The following ZNF705A variants were observed in gnomAD, a reference collection of about 807,000 sequenced individuals.
ZNF705A encodes zinc finger protein 705A.
A neutral mutation model predicts 16.6 loss-of-function variants in ZNF705A; 8 were observed. The observed-to-expected ratio is 0.48, with a 90% CI of 0.28 to 0.87. The LOEUF is 0.87. ZNF705A is among the 40% of genes least tolerant of loss of function. ZNF705A has a pLI of 0.10. For synonymous variants in ZNF705A, 73 were observed against 117.3 expected (o/e 0.62, Z 2.44); for missense variants, 233 against 359.9 (o/e 0.65, Z 2.85).
chr12:8,164,573 A>G (rs764895931), intron 1 of ZNF705A, among the ~76,000 whole-genome samples: 4 of 152,304 alleles, frequency 2.6e-5, no homozygotes, highest in Admixed American at 1.3e-4. Flanking sequence ...CTTGTAAGTT[A>G]GAATGTGCAG....
Position 8,166,591 on chromosome 12 carries a change from C to G in ZNF705A, c.-71-5964C>G, listed in dbSNP as rs758527534. On this transcript the variant is annotated intron_variant, in intron 1 of 5. Transcript: ENST00000396570. Reference sequence around the variant, plus strand: ...CCCCCAACCATGTGGAACTGTAAGTCCAATTAAACCTCTTTCTTTTGTAAA... The same window carrying G: ...CCCCCAACCATGTGGAACTGTAAGTGCAATTAAACCTCTTTCTTTTGTAAA... Among the ~76,000 whole-genome samples the G allele has an allele frequency of 2.0e-5, 3 of 152,318 alleles. No individual in the cohort carries two copies. The East Asian group carries it at 5.8e-4, about 29-fold the overall frequency.
intron 1 of ZNF705A, among the ~76,000 whole-genome samples, chr12:8,162,456 T>A (rs980029677): frequency 2.0e-5 from 3 of 152,134 alleles, no homozygotes; most frequent in African/African-American, 7.2e-5. Context: ...GACTTGATAA[T>A]CCAAGTACTA....
chr12:8,177,186 G>A (rs755362397), exon 5 of ZNF705A: 1 of 1,611,804 alleles, frequency 6.2e-7, no homozygotes, highest in African/African-American at 1.3e-5. Context: ...CATACTAAAG[G>A]TAAATCATAT....
At chr12:8,168,544 A>C (rs755717323), upstream of ZNF705A, among the ~76,000 whole-genome samples, 114 of 152,270 alleles carry the variant, frequency 7.5e-4, no homozygotes, top group African/African-American at 2.7e-3. Context: ...AAGATTCTAG[A>C]TCTGCATTGG....
intron 1 of ZNF705A, among the ~76,000 whole-genome samples, chr12:8,161,925 A>G (rs888453757): frequency 2.6e-5 from 4 of 152,160 alleles, no homozygotes; most frequent in African/African-American, 9.7e-5. Context: ...TTTGGAGGAA[A>G]CTCCATTGTG....
At chr12:8,176,298 A>C (rs1948483737) in intron 4 of ZNF705A, among the ~76,000 whole-genome samples, 1 of 152,216 alleles carries the variant, frequency 6.6e-6, no homozygotes, top group Non-Finnish European at 1.5e-5. Context: ...ATGACAAGAC[A>C]AGTCTCAATC....
chr12:8,157,572 AT>A (rs527505515), intron 1 of ZNF705A, among the ~76,000 whole-genome samples: 201 of 152,304 alleles, frequency 1.3e-3, no homozygotes, highest in Middle Eastern at 0.01. Context: ...ATTGTGAGAA[AT>A]GAAGAAATAG....
At chr12:8,170,187 C>G (rs987366338), upstream of ZNF705A, among the ~76,000 whole-genome samples, 7 of 107,756 alleles carry the variant, frequency 6.5e-5, no homozygotes, top group Admixed American at 8.3e-5. Context: ...GAAACTCTCC[C>G]CCCCCCCCCA....
chr12:8,170,196 C>CAAAAAAAAAAAAAAAAAAAAAAAAAAA (rs1188328005), upstream of ZNF705A, among the ~76,000 whole-genome samples: 9 of 126,532 alleles, frequency 7.1e-5, no homozygotes, highest in African/African-American at 3.3e-4. Flanking sequence ...CCCCCCCCCC[C>CAAAAAAAAAAAAAAAAAAAAAAAAAAA]AAAAAAAAAA....
exon 5 of ZNF705A, chr12:8,177,123 A>G: frequency 6.2e-7 from 1 of 1,612,034 alleles, no homozygotes; most frequent in Non-Finnish European, 8.5e-7. Flanking sequence ...GTCAGCAAAC[A>G]GTGTGGAAAA....
intron 1 of ZNF705A, among the ~76,000 whole-genome samples, chr12:8,163,396 C>T (rs1196030728): frequency 6.6e-6 from 1 of 152,116 alleles, no homozygotes; most frequent in African/African-American, 2.4e-5. Context: ...CTCCCACCAG[C>T]ATACAAATAC....
chr12:8,158,624 A>G (rs1256010732), intron 1 of ZNF705A, among the ~76,000 whole-genome samples: 2 of 152,028 alleles, frequency 1.3e-5, no homozygotes, highest in Non-Finnish European at 2.9e-5. Context: ...TATTTTTGTA[A>G]ATATTTTTTC....
chr12:8,176,052 T>C (rs1190772266), intron 4 of ZNF705A, 110 bp downstream of exon 5: 1 of 1,536,786 alleles, frequency 6.5e-7, no homozygotes, highest in African/African-American at 1.4e-5. Context: ...CATTAAGTGC[T>C]TTCTAAGCAA....
exon 5 of ZNF705A, chr12:8,177,264 C>T: frequency 1.2e-6 from 2 of 1,611,742 alleles, no homozygotes; most frequent in Non-Finnish European, 1.7e-6. Flanking sequence ...ATGACTCACA[C>T]TGGAGAGAGG....
chr12:8,171,502 T>C (rs1948444916), upstream of ZNF705A, among the ~76,000 whole-genome samples: 1 of 152,212 alleles, frequency 6.6e-6, no homozygotes, highest in African/African-American at 2.4e-5. Context: ...GCAAGAATTT[T>C]AGATACCACG....
intron 1 of ZNF705A, among the ~76,000 whole-genome samples, chr12:8,163,421 G>C (rs1948373422): frequency 6.6e-6 from 1 of 152,092 alleles, no homozygotes; most frequent in African/African-American, 2.4e-5. Flanking sequence ...AATGATATTA[G>C]CAGCAGAATC....
At chr12:8,170,196 C>CAAAAAAAAAAAAAAAAAAAA (rs1188328005), upstream of ZNF705A, among the ~76,000 whole-genome samples, 3 of 126,534 alleles carry the variant, frequency 2.4e-5, no homozygotes, top group African/African-American at 1.1e-4. Context: ...CCCCCCCCCC[C>CAAAAAAAAAAAAAAAAAAAA]AAAAAAAAAA....
chr12:8,166,680 T>TGCCAATGGCTTGTGGC (rs1948401683), intron 1 of ZNF705A, among the ~76,000 whole-genome samples: 1 of 152,274 alleles, frequency 6.6e-6, no homozygotes, highest in Non-Finnish European at 1.5e-5. Context: ...CCTGCAGGTT[T>TGCCAATGGCTTGTGGC]AATACCCCAT....
exon 5 of ZNF705A, chr12:8,177,899 A>T (rs1948499422): frequency 2.3e-6 from 1 of 436,496 alleles, no homozygotes; most frequent in Non-Finnish European, 4.1e-6. Flanking sequence ...ATTCATATGG[A>T]AGAGAAATTG....
Sources: allele counts gnomAD v4.1 joint callset (sites outside exome capture counted in the v4.1 genomes callset), GRCh38; gene constraint gnomAD v4.1.1; transcripts MANE v1.5; gene names NCBI Gene and HGNC (gene_info 2026-07-23, HGNC 2026-07-21).